The following DLC1 variants were observed in gnomAD, a reference collection of about 807,000 sequenced individuals.
DLC1 encodes the protein DLC1 Rho GTPase activating protein, also known as rho GTPase-activating protein 7.
In DLC1, 54 loss-of-function variants were observed where a neutral mutation model predicts 140.3. The observed-to-expected ratio is 0.38, with a 90% CI of 0.31 to 0.48. The LOEUF (loss-of-function observed/expected upper bound fraction) is 0.48. Ranked by LOEUF, DLC1 falls within the 20% of genes least tolerant of loss-of-function variation. DLC1 has a pLI of 0.96. For synonymous variants in DLC1, 986 were observed against 728.1 expected (o/e 1.35, Z -5.70); for missense variants, 2,536 against 1,907.0 (o/e 1.33, Z -6.14).
rs575527785 is a variant in DLC1 at position 13,510,169 on chromosome 8, TTC to T, written c.-126+4431_-126+4432del. The stretch of plus-strand genomic sequence containing the variant: ...GTGAGTGAAACACAATTATTCTTTA[TTC>T]TTTTTTTTTTTTTTTTTCCTGAGAT... On this transcript the variant is annotated intron_variant, in intron 1 of 17. Coordinates refer to ENST00000276297, the MANE Select transcript of DLC1 (RefSeq NM_182643.3). 7.9e-3 allele frequency among the ~76,000 whole-genome samples: 664 copies of T among 84,084 alleles called. 7 individuals are homozygous for T. The highest frequency in any genetic ancestry group is 0.026 in the African/African-American group (646 of 24,424). The allele number at this position is 84,084 out of a possible 152,430, so 55.2% of individuals were successfully genotyped here. A position where few individuals can be genotyped will look rare whatever the true frequency, so the allele number is the denominator to read the frequency against.
At chr8:13,241,162 A>T (rs1000612643) in intron 5 of DLC1, among the ~76,000 whole-genome samples, 1 of 152,214 alleles carries the variant, frequency 6.6e-6, no homozygotes. Flanking sequence ...GAGGCTTTGG[A>T]GGCCAAACTG....
At chr8:13,095,288 T>A (rs1334928289) in intron 10 of DLC1, 43 bp from the exon 11 acceptor site, 2 of 1,612,122 alleles carry the variant, frequency 1.2e-6, no homozygotes, top group African/African-American at 1.3e-5. Context: ...GGAGACATGC[T>A]CACTTGTCTG....
intron 2 of DLC1, among the ~76,000 whole-genome samples, chr8:13,443,359 A>T (rs1442293603): frequency 1.3e-5 from 2 of 151,382 alleles, no homozygotes; most frequent in African/African-American, 4.8e-5. Flanking sequence ...AAAAAAAAAA[A>T]AAAAAACTGC....
chr8:13,223,844 G>A (rs1007938649), intron 5 of DLC1, among the ~76,000 whole-genome samples: 1 of 152,044 alleles, frequency 6.6e-6, no homozygotes, highest in Non-Finnish European at 1.5e-5. Flanking sequence ...TTTTTCAGTG[G>A]TTAATATGTT....
At chr8:13,536,420 T>C (rs1189310567) in intron 1 of DLC1, among the ~76,000 whole-genome samples, 1 of 152,176 alleles carries the variant, frequency 6.6e-6, no homozygotes, top group Non-Finnish European at 1.5e-5. Context: ...AGGTGAAAGA[T>C]GTGTATATTT....
chr8:13,422,533 T>C (rs1838365181), intron 2 of DLC1, among the ~76,000 whole-genome samples: 1 of 152,138 alleles, frequency 6.6e-6, no homozygotes, highest in Non-Finnish European at 1.5e-5. Context: ...TAGAAAACTC[T>C]GCACGTTTAC....
intron 1 of DLC1, among the ~76,000 whole-genome samples, chr8:13,586,183 T>C (rs894593640): frequency 2.0e-5 from 3 of 152,298 alleles, no homozygotes; most frequent in Non-Finnish European, 4.4e-5. Flanking sequence ...GATTCTAATA[T>C]GCAGCTGCAT....
intron 5 of DLC1, among the ~76,000 whole-genome samples, chr8:13,273,528 C>T (rs146831877): frequency 2.4e-3 from 359 of 152,230 alleles, no homozygotes; most frequent in African/African-American, 7.8e-3. Context: ...AAACTGAAGG[C>T]CTTTTCCTGG....
intron 14 of DLC1, among the ~76,000 whole-genome samples, chr8:13,091,006 C>T (rs1438283902): frequency 1.3e-5 from 2 of 151,648 alleles, no homozygotes; most frequent in Non-Finnish European, 2.9e-5. Context: ...TGAGGTCTCA[C>T]CATGTTGCCC....
intron 5 of DLC1, among the ~76,000 whole-genome samples, chr8:13,136,400 G>A (rs1585738228): frequency 6.6e-6 from 1 of 152,086 alleles, no homozygotes; most frequent in African/African-American, 2.4e-5. Context: ...AGTACTCAGT[G>A]TTTAGCTCCC....
intron 2 of DLC1, among the ~76,000 whole-genome samples, chr8:13,445,384 G>C (rs914878080): frequency 6.6e-6 from 1 of 152,172 alleles, no homozygotes; most frequent in African/African-American, 2.4e-5. Flanking sequence ...ACAGAAGTCT[G>C]TACTTCAGAG....
chr8:13,210,667 T>C (rs1440908006), intron 5 of DLC1, among the ~76,000 whole-genome samples: 1 of 152,220 alleles, frequency 6.6e-6, no homozygotes, highest in African/African-American at 2.4e-5. Flanking sequence ...TGTAACACAG[T>C]TGGTCCTCAT....
At chr8:13,123,881 G>C (rs1305179078) in intron 5 of DLC1, among the ~76,000 whole-genome samples, 1 of 152,050 alleles carries the variant, frequency 6.6e-6, no homozygotes, top group East Asian at 1.9e-4. Flanking sequence ...TAATTTTTCT[G>C]ACCAGGATCC....
At chr8:13,534,214 C>G (rs1313487480) in intron 1 of DLC1, among the ~76,000 whole-genome samples, 1 of 152,118 alleles carries the variant, frequency 6.6e-6, no homozygotes, top group East Asian at 1.9e-4. Flanking sequence ...AAGACTTTTT[C>G]TTGAACAACC....
intron 1 of DLC1, among the ~76,000 whole-genome samples, chr8:13,551,825 G>T (rs1803863787): frequency 1.4e-5 from 2 of 146,764 alleles, no homozygotes; most frequent in African/African-American, 5.0e-5. Context: ...AGGTATATAT[G>T]TGTATGACAG....
chr8:13,283,989 C>T (rs1831457112), intron 5 of DLC1, among the ~76,000 whole-genome samples: 2 of 152,152 alleles, frequency 1.3e-5, no homozygotes, highest in Non-Finnish European at 2.9e-5. Flanking sequence ...CTCTCGAAGG[C>T]TAGGGAAGAA....
At chr8:13,491,497 T>C (rs1167229298) in intron 2 of DLC1, among the ~76,000 whole-genome samples, 1 of 152,314 alleles carries the variant, frequency 6.6e-6, no homozygotes, top group South Asian at 2.1e-4. Flanking sequence ...AATTAAATGA[T>C]AAAATATACG....
intron 2 of DLC1, among the ~76,000 whole-genome samples, chr8:13,428,041 G>A (rs527362209): frequency 6.6e-6 from 1 of 152,280 alleles, no homozygotes; most frequent in East Asian, 1.9e-4. Context: ...GCAGGGGAAG[G>A]GCTATGATGA....
At chr8:13,331,539 A>T (rs1278620891) in intron 4 of DLC1, among the ~76,000 whole-genome samples, 1 of 152,194 alleles carries the variant, frequency 6.6e-6, no homozygotes, top group Non-Finnish European at 1.5e-5. Context: ...GGAAAGAATC[A>T]GTATGTGTAA....
Sources: allele counts gnomAD v4.1 joint callset (sites outside exome capture counted in the v4.1 genomes callset), GRCh38; gene constraint gnomAD v4.1.1; transcripts MANE v1.5; gene names NCBI Gene and HGNC (gene_info 2026-07-23, HGNC 2026-07-21).